The following GPC5 variants were observed in gnomAD, a reference collection of about 807,000 sequenced individuals.
The protein encoded by GPC5 is glypican 5.
Under a neutral mutation model 53.9 loss-of-function variants are expected in GPC5, and 47 were observed. The ratio of observed to expected loss-of-function variants is 0.87; its 90% CI spans 0.69 to 1.11. The LOEUF is 1.11. Ranked by LOEUF, GPC5 falls within the 50% of genes most tolerant of loss-of-function variation. The pLI is 0.00. For missense variants in GPC5, 748 were observed against 713.1 expected (o/e 1.05, Z -0.56); for synonymous variants, 286 against 263.3 (o/e 1.09, Z -0.84).
chr13:91,581,529 A>G (rs1287638792), intron 2 of GPC5, among the ~76,000 whole-genome samples: 1 of 152,128 alleles, frequency 6.6e-6, no homozygotes, highest in East Asian at 1.9e-4. Context: ...TTTCTTCTCC[A>G]GTGCTAGCTA....
At chr13:92,735,419 G>A (rs546136338) in intron 7 of GPC5, among the ~76,000 whole-genome samples, 1 of 151,994 alleles carries the variant, frequency 6.6e-6, no homozygotes, top group South Asian at 2.1e-4. Flanking sequence ...AGCATTAAGT[G>A]AACTTTATTT....
intron 6 of GPC5, 134 bp downstream of exon 6, chr13:91,908,191 G>T: frequency 1.5e-6 from 1 of 675,102 alleles, no homozygotes; most frequent in African/African-American, 1.9e-5. Flanking sequence ...TTTTGTATCA[G>T]GACATTTGGA....
chr13:91,928,869 G>A (rs996098363), intron 6 of GPC5, among the ~76,000 whole-genome samples: 1 of 152,126 alleles, frequency 6.6e-6, no homozygotes, highest in Non-Finnish European at 1.5e-5. Context: ...GCAGAAAGAT[G>A]TGAAGGTGAA....
At chr13:92,203,403 C>A (rs1419909141) in intron 7 of GPC5, among the ~76,000 whole-genome samples, 1 of 137,536 alleles carries the variant, frequency 7.3e-6, no homozygotes, top group African/African-American at 2.8e-5. Context: ...AACCAAACAC[C>A]ACATATTCTC....
chr13:92,285,294 A>T (rs898895942), intron 7 of GPC5, among the ~76,000 whole-genome samples: 86 of 152,258 alleles, frequency 5.6e-4, no homozygotes, highest in Admixed American at 2.0e-3. Context: ...AGAATCAATA[A>T]CATGAAAATG....
intron 7 of GPC5, among the ~76,000 whole-genome samples, chr13:92,415,312 A>T (rs779374802): frequency 6.6e-6 from 1 of 152,230 alleles, no homozygotes; most frequent in Non-Finnish European, 1.5e-5. Context: ...TGGATGTGAA[A>T]GACCAGTTAG....
intron 7 of GPC5, among the ~76,000 whole-genome samples, chr13:92,643,812 G>A (rs898725569): frequency 1.3e-5 from 2 of 150,864 alleles, no homozygotes; most frequent in African/African-American, 4.9e-5. Context: ...CACCAGCATG[G>A]CACATGTATA....
chr13:92,175,392 T>G (rs1393913559), intron 7 of GPC5, among the ~76,000 whole-genome samples: 1 of 152,206 alleles, frequency 6.6e-6, no homozygotes, highest in Non-Finnish European at 1.5e-5. Context: ...AGTGTTTGCT[T>G]CTTTTCTGAT....
chr13:91,972,244 C>G (rs550280219), intron 6 of GPC5, among the ~76,000 whole-genome samples: 3,592 of 152,110 alleles, frequency 0.024, 135 homozygotes, highest in African/African-American at 0.082. Context: ...CTCTTTTGAT[C>G]TTTGTTGGTT....
chr13:92,750,083 A>C (rs1419733716), intron 7 of GPC5, among the ~76,000 whole-genome samples: 1 of 152,186 alleles, frequency 6.6e-6, no homozygotes, highest in Non-Finnish European at 1.5e-5. Context: ...GAATACTCCT[A>C]ATGGAGCATT....
chr13:91,895,611 A>T (rs1594647662), intron 5 of GPC5, among the ~76,000 whole-genome samples: 1 of 150,036 alleles, frequency 6.7e-6, no homozygotes. Context: ...CTCTGTTGTC[A>T]GGTTTTATCT....
intron 7 of GPC5, among the ~76,000 whole-genome samples, chr13:92,862,047 C>A (rs1382773239): frequency 6.6e-6 from 1 of 152,118 alleles, no homozygotes; most frequent in Non-Finnish European, 1.5e-5. Flanking sequence ...AGAATTTGAC[C>A]TCGAGTTCAA....
rs1229093762 is a variant in GPC5, at chr13:92,631,070, TATATC to T, written c.1562-235207_1562-235203del. ...TGGAGTATAAAACATAAACATAAAATATATCATATACTATCTGTGAGGTTTTCATA... is the reference window on the plus strand; with the variant it reads ...TGGAGTATAAAACATAAACATAAAATATATACTATCTGTGAGGTTTTCATA... On this transcript the variant is annotated intron_variant, in intron 7 of 7. Coordinates refer to ENST00000377067, the MANE Select transcript of GPC5 (RefSeq NM_004466.6). Among the ~76,000 whole-genome samples, 3 of 152,098 alleles carry T rather than the reference TATATC, an allele frequency of 2.0e-5. 1 individual carries two copies. The highest frequency in any genetic ancestry group is 6.3e-3 in the Middle Eastern group (2 of 316).
At chr13:91,870,101 A>G (rs1429934937) in intron 5 of GPC5, among the ~76,000 whole-genome samples, 2 of 152,196 alleles carry the variant, frequency 1.3e-5, no homozygotes, top group African/African-American at 4.8e-5. Context: ...GGTAAAGACT[A>G]TCCATTAAGA....
chr13:92,828,871 A>G (rs912557519), intron 7 of GPC5, among the ~76,000 whole-genome samples: 5 of 152,142 alleles, frequency 3.3e-5, no homozygotes, highest in African/African-American at 1.2e-4. Flanking sequence ...GGGGGATGAA[A>G]TACTGCCTGT....
chr13:91,711,983 C>A (rs766532253), intron 3 of GPC5, among the ~76,000 whole-genome samples: 1 of 152,138 alleles, frequency 6.6e-6, no homozygotes, highest in Non-Finnish European at 1.5e-5. Context: ...TCTAAGAACA[C>A]GGTTCAGAAA....
intron 7 of GPC5, among the ~76,000 whole-genome samples, chr13:92,595,608 A>G (rs1253717398): frequency 6.6e-6 from 1 of 151,492 alleles, no homozygotes; most frequent in Non-Finnish European, 1.5e-5. Flanking sequence ...CTCTACTGAA[A>G]ATACAAAAAA....
At chr13:92,440,448 C>A (rs1877502847) in intron 7 of GPC5, among the ~76,000 whole-genome samples, 1 of 152,132 alleles carries the variant, frequency 6.6e-6, no homozygotes, top group South Asian at 2.1e-4. Context: ...CTTTGTGTGG[C>A]TGCATAGTAT....
chr13:91,516,853 A>G (rs1885531071), intron 2 of GPC5, among the ~76,000 whole-genome samples: 1 of 152,148 alleles, frequency 6.6e-6, no homozygotes, highest in Non-Finnish European at 1.5e-5. Context: ...GTCCACCCAC[A>G]GGCTCAACAC....
Sources: allele counts gnomAD v4.1 joint callset (sites outside exome capture counted in the v4.1 genomes callset), GRCh38; gene constraint gnomAD v4.1.1; transcripts MANE v1.5; gene names NCBI Gene and HGNC (gene_info 2026-07-23, HGNC 2026-07-21).